Variants in RIMBP2 observed in about 807,000 individuals in gnomAD.
The protein encoded by RIMBP2 is RIMS binding protein 2, also known as RIMS-binding protein 2.
In RIMBP2, 48 loss-of-function variants were observed where a neutral mutation model predicts 118.6. The ratio of observed to expected loss-of-function variants is 0.40; its 90% CI spans 0.32 to 0.51. RIMBP2 has a LOEUF of 0.51. Ranked by LOEUF, RIMBP2 falls within the 20% of genes least tolerant of loss-of-function variation. RIMBP2 has a pLI of 0.41. For synonymous variants in RIMBP2, 762 were observed against 742.9 expected, an observed-to-expected ratio of 1.03 and a Z score of -0.42; for missense variants, 1,551 against 1,768.3, an observed-to-expected ratio of 0.88 and a Z score of 2.20.
In RIMBP2 at chr12:130,647,838, C is replaced by A. The variant is rs552104113; in HGVS notation, c.-351-19382G>T. The stretch of plus-strand genomic sequence containing the variant: ...TACCTCTCTGCCTTTAAAGACCCTC[C>A]CCTTTAAGCCATCTGGCAGTCCGGG... On this transcript the variant is annotated intron_variant, in intron 1 of 22. Coordinates refer to ENST00000690449, the MANE Select transcript of RIMBP2 (RefSeq NM_001393629.1). Among the ~76,000 whole-genome samples the A allele has an allele frequency of 3.4e-4, 50 of 145,932 alleles. 9 individuals are homozygous for A. Among genetic ancestry groups the A allele is most frequent in the Non-Finnish European group, 6.7e-4 (43 of 64,442 alleles).
At chr12:130,481,851 G>A (rs971191952) in intron 4 of RIMBP2, among the ~76,000 whole-genome samples, 10 of 151,736 alleles carry the variant, frequency 6.6e-5, no homozygotes, top group African/African-American at 2.2e-4. Flanking sequence ...CCCCCGCCCC[G>A]CTGGGCTGTC....
At chr12:130,707,510 G>A (rs180716448) in intron 1 of RIMBP2, among the ~76,000 whole-genome samples, 229 of 152,326 alleles carry the variant, frequency 1.5e-3, no homozygotes, top group African/African-American at 5.2e-3. Context: ...TGAGTAGCTG[G>A]GAGAAGAGCC....
In RIMBP2 at chr12:130,694,976, C is replaced by T. The variant is rs143361726; in HGVS notation, c.-352+21246G>A. ...TATTCCAGGCCAGACTGAGGATAAG[C>T]GAGATCCCACAACAGATCAGTTTCC... On this transcript the variant is annotated intron_variant, in intron 1 of 22. Transcript: ENST00000690449. Among the ~76,000 whole-genome samples, 11 of 152,272 alleles carry T rather than the reference C, an allele frequency of 7.2e-5. No individual in the cohort carries two copies. In the South Asian group the frequency reaches 8.3e-4, roughly 11 times the overall value.
At chr12:130,445,102 G>A (rs2137232671) in intron 10 of RIMBP2, 58 bp downstream of exon 10, 1 of 1,112,300 alleles carries the variant, frequency 9.0e-7, no homozygotes, top group Non-Finnish European at 1.3e-6. Flanking sequence ...TGGAAGAGGT[G>A]GTCTGCGGGG....
chr12:130,585,775 C>T (rs896745515), intron 2 of RIMBP2, among the ~76,000 whole-genome samples: 15 of 152,176 alleles, frequency 9.9e-5, no homozygotes, highest in South Asian at 4.1e-4. Flanking sequence ...AAGTAGGTGA[C>T]GTGGTCACAG....
intron 6 of RIMBP2, 130 bp downstream of exon 6, chr12:130,470,563 A>G (rs969030737): frequency 2.4e-5 from 11 of 452,308 alleles, no homozygotes; most frequent in African/African-American, 2.2e-4. Context: ...GAGAAGACAC[A>G]TGAATGGCAT....
chr12:130,610,146 A>C (rs922100282), intron 2 of RIMBP2, among the ~76,000 whole-genome samples: 4 of 149,582 alleles, frequency 2.7e-5, no homozygotes, highest in Non-Finnish European at 5.9e-5. Context: ...CTGGGGGAAA[A>C]TGGGAAGCCT....
chr12:130,645,863 C>G (rs934772877), intron 1 of RIMBP2, among the ~76,000 whole-genome samples: 1 of 152,164 alleles, frequency 6.6e-6, no homozygotes, highest in African/African-American at 2.4e-5. Context: ...GAAACCAACT[C>G]TTTACAGTTT....
intron 2 of RIMBP2, among the ~76,000 whole-genome samples, chr12:130,590,108 C>T (rs537728269): frequency 1.3e-5 from 2 of 152,092 alleles, no homozygotes; most frequent in Admixed American, 6.5e-5. Flanking sequence ...TTCCTGCAGA[C>T]GCTTCTACAC....
intron 12 of RIMBP2, 28 bp downstream of exon 12, chr12:130,438,337 C>CCA: frequency 4.9e-6 from 6 of 1,214,102 alleles, no homozygotes; most frequent in Non-Finnish European, 4.9e-6. Context: ...CCTAACAAAC[C>CCA]CTCCCCACCC....
intron 7 of RIMBP2, among the ~76,000 whole-genome samples, chr12:130,456,096 G>A (rs1319818354): frequency 6.6e-6 from 1 of 152,232 alleles, no homozygotes; most frequent in Non-Finnish European, 1.5e-5. Flanking sequence ...AGAGAAATGA[G>A]CTTCACAGAG....
intron 18 of RIMBP2, among the ~76,000 whole-genome samples, chr12:130,413,013 C>T (rs1163350515): frequency 6.6e-6 from 1 of 152,118 alleles, no homozygotes; most frequent in Non-Finnish European, 1.5e-5. Flanking sequence ...AGTGTTTGGA[C>T]AACCTGCCAT....
intron 2 of RIMBP2, among the ~76,000 whole-genome samples, chr12:130,583,206 T>C (rs2058589290): frequency 6.6e-6 from 1 of 152,178 alleles, no homozygotes; most frequent in South Asian, 2.1e-4. Context: ...GTGTGGCCTT[T>C]GGGATGTGGC....
chr12:130,512,530 C>T (rs902871357), intron 3 of RIMBP2, among the ~76,000 whole-genome samples: 17 of 152,170 alleles, frequency 1.1e-4, no homozygotes, highest in Admixed American at 3.9e-4. Flanking sequence ...TCCATGTTGG[C>T]CAGGCTGGTG....
chr12:130,645,477 C>T lies in RIMBP2; in HGVS notation c.-351-17021G>A, dbSNP rs139300256. On this transcript the variant is annotated intron_variant, in intron 1 of 22. Coordinates refer to ENST00000690449, the MANE Select transcript of RIMBP2 (RefSeq NM_001393629.1). ...CCCCAGCACTGGCTGGATGTGATAT[C>T]GGGTTAACCAGCCAGCACCTTCCAC... 5.0e-3 allele frequency among the ~76,000 whole-genome samples: 763 copies of T among 152,314 alleles called. 7 individuals are homozygous for T. The highest frequency in any genetic ancestry group is 5.6e-3 in the Non-Finnish European group (380 of 68,016).
intron 1 of RIMBP2, among the ~76,000 whole-genome samples, chr12:130,645,734 C>G (rs1566421086): frequency 6.6e-6 from 1 of 152,214 alleles, no homozygotes; most frequent in African/African-American, 2.4e-5. Flanking sequence ...CAAACCGTGC[C>G]TGATCTCTTC....
chr12:130,444,375 G>A (rs1026983915), intron 10 of RIMBP2, among the ~76,000 whole-genome samples: 6 of 152,236 alleles, frequency 3.9e-5, no homozygotes, highest in African/African-American at 1.4e-4. Flanking sequence ...AAAAGCACCT[G>A]GGGCTTCCAT....
chr12:130,679,875 C>G (rs1393685927), intron 1 of RIMBP2, among the ~76,000 whole-genome samples: 1 of 152,150 alleles, frequency 6.6e-6, no homozygotes, highest in African/African-American at 2.4e-5. Flanking sequence ...GTGTGTTCGC[C>G]CGCCACGGGA....
At chr12:130,512,753 C>T (rs1401402562) in intron 3 of RIMBP2, among the ~76,000 whole-genome samples, 4 of 152,222 alleles carry the variant, frequency 2.6e-5, no homozygotes, top group Admixed American at 6.5e-5. Flanking sequence ...CACTAAGACA[C>T]ACAACCAAAG....
Sources: allele counts gnomAD v4.1 joint callset (sites outside exome capture counted in the v4.1 genomes callset), GRCh38; gene constraint gnomAD v4.1.1; transcripts MANE v1.5; gene names NCBI Gene and HGNC (gene_info 2026-07-23, HGNC 2026-07-21).